Variants in SSH2 observed in about 807,000 individuals in gnomAD.
SSH2 encodes protein phosphatase Slingshot homolog 2.
SSH2 carries 37 observed loss-of-function variants against 135.2 expected under a neutral mutation model. The observed-to-expected ratio is 0.27, with a 90% CI of 0.21 to 0.36. SSH2 has a LOEUF of 0.36. Ranked by LOEUF, SSH2 falls within the 10% of genes least tolerant of loss-of-function variation. SSH2 has a pLI of 1.00. For missense variants in SSH2, 1,408 were observed against 1,765.3 expected, an observed-to-expected ratio of 0.80 and a Z score of 3.63; for synonymous variants, 628 against 646.2, an observed-to-expected ratio of 0.97 and a Z score of 0.43.
chr17:29,915,354 T>C (rs1281238929), intron 1 of SSH2, among the ~76,000 whole-genome samples: 1 of 152,238 alleles, frequency 6.6e-6, no homozygotes, highest in African/African-American at 2.4e-5. Context: ...CTGCTCGTAA[T>C]AGCTGGATTA....
At chr17:29,814,399 C>T (rs2042514422) in intron 2 of SSH2, among the ~76,000 whole-genome samples, 1 of 137,192 alleles carries the variant, frequency 7.3e-6, no homozygotes, top group East Asian at 2.2e-4. Context: ...CACCACTGCA[C>T]TCCAGCCTGG....
At chr17:29,683,536 G>A (rs2038074713) in intron 6 of SSH2, among the ~76,000 whole-genome samples, 1 of 150,686 alleles carries the variant, frequency 6.6e-6, no homozygotes, top group South Asian at 2.1e-4. Flanking sequence ...AAACAAAACA[G>A]ACTGTAGTTT....
At chr17:29,706,660 A>G (rs954882309) in intron 3 of SSH2, among the ~76,000 whole-genome samples, 1 of 152,228 alleles carries the variant, frequency 6.6e-6, no homozygotes, top group Admixed American at 6.5e-5. Context: ...AAATGAAAAT[A>G]TTTTAAAAAT....
intron 3 of SSH2, among the ~76,000 whole-genome samples, chr17:29,724,012 CTA>C (rs1271161733): frequency 3.9e-5 from 6 of 152,164 alleles, no homozygotes; most frequent in Admixed American, 3.3e-4. Context: ...CTCTTAGGTC[CTA>C]TATAAGCTCC....
intron 2 of SSH2, among the ~76,000 whole-genome samples, chr17:29,830,837 G>A (rs2151360452): frequency 6.6e-6 from 1 of 152,254 alleles, no homozygotes; most frequent in Admixed American, 6.5e-5. Flanking sequence ...TCCAGTCTGA[G>A]CCAGTTTAAT....
At chr17:29,831,952 G>A (rs1389798053) in intron 2 of SSH2, among the ~76,000 whole-genome samples, 1 of 152,054 alleles carries the variant, frequency 6.6e-6, no homozygotes, top group African/African-American at 2.4e-5. Context: ...TAGTTTTTAT[G>A]TAGTTGTAAT....
Position 29,886,146 on chromosome 17 carries a change from T to C in SSH2, c.64-37217A>G, listed in dbSNP as rs547414072. ...GAAAGTTTGGAACTTCCTAGAAACTTGGAGGGCTCAGAAGACAGGAAGATA... is the reference window on the plus strand; with the variant it reads ...GAAAGTTTGGAACTTCCTAGAAACTCGGAGGGCTCAGAAGACAGGAAGATA... On this transcript the variant is annotated intron_variant, in intron 1 of 15. Transcript: ENST00000540801. Among the ~76,000 whole-genome samples, 29 of 151,970 alleles carry C rather than the reference T, an allele frequency of 1.9e-4. No individual in the cohort carries two copies. The East Asian group carries it at 5.4e-3, about 28-fold the overall frequency.
At chr17:29,821,940 A>C (rs1404418966) in intron 2 of SSH2, among the ~76,000 whole-genome samples, 1 of 152,118 alleles carries the variant, frequency 6.6e-6, no homozygotes, top group African/African-American at 2.4e-5. Flanking sequence ...TGCCAAACCA[A>C]GTCTATTTTA....
At chr17:29,635,273 G>C (rs1358692866) in intron 15 of SSH2, among the ~76,000 whole-genome samples, 1 of 152,186 alleles carries the variant, frequency 6.6e-6, no homozygotes, top group Non-Finnish European at 1.5e-5. Flanking sequence ...CACATGTCTA[G>C]TCTTTGACTT....
chr17:29,723,320 T>C (rs2151171474), intron 3 of SSH2, among the ~76,000 whole-genome samples: 1 of 152,372 alleles, frequency 6.6e-6, no homozygotes, highest in South Asian at 2.1e-4. Flanking sequence ...TGCTTTGATA[T>C]ATGTTTAACT....
chr17:29,715,709 A>G (rs949151000), intron 3 of SSH2, among the ~76,000 whole-genome samples: 2 of 152,214 alleles, frequency 1.3e-5, no homozygotes, highest in African/African-American at 4.8e-5. Flanking sequence ...CTGACACTAA[A>G]TAAATGTTTA....
intron 3 of SSH2, among the ~76,000 whole-genome samples, chr17:29,728,633 G>T (rs1485336071): frequency 6.6e-6 from 1 of 152,126 alleles, no homozygotes; most frequent in African/African-American, 2.4e-5. Context: ...GAATCACATT[G>T]TCTGACTTCA....
intron 3 of SSH2, among the ~76,000 whole-genome samples, chr17:29,713,340 A>G (rs1264265787): frequency 2.0e-5 from 3 of 152,182 alleles, no homozygotes; most frequent in African/African-American, 7.2e-5. Flanking sequence ...GTCTCAAAAC[A>G]AACAAACAAA....
At chr17:29,690,808 A>C (rs1174625568) in intron 5 of SSH2, among the ~76,000 whole-genome samples, 1 of 152,148 alleles carries the variant, frequency 6.6e-6, no homozygotes, top group Non-Finnish European at 1.5e-5. Context: ...TTATTTATTG[A>C]CATGGAAAGA....
chr17:29,756,066 G>A (rs1284772650), intron 3 of SSH2, among the ~76,000 whole-genome samples: 2 of 151,086 alleles, frequency 1.3e-5, no homozygotes, highest in East Asian at 2.0e-4. Context: ...AGGAGTTGGA[G>A]ACCAGCCTGA....
chr17:29,841,864 C>A (rs2043045754), intron 2 of SSH2, among the ~76,000 whole-genome samples: 1 of 149,098 alleles, frequency 6.7e-6, no homozygotes, highest in Non-Finnish European at 1.5e-5. Context: ...GTAGCTGGGA[C>A]TATAGGAGTA....
chr17:29,915,979 CT>C (rs1184905371), intron 1 of SSH2, among the ~76,000 whole-genome samples: 37 of 114,186 alleles, frequency 3.2e-4, no homozygotes, highest in African/African-American at 8.2e-4. Context: ...TCCCTCCCCC[CT>C]CCCCCCACCC....
chr17:29,702,643 A>G (rs2039033375), intron 4 of SSH2, among the ~76,000 whole-genome samples: 1 of 152,236 alleles, frequency 6.6e-6, no homozygotes. Context: ...TGACACAGCG[A>G]AACTCCATCT....
At chr17:29,880,085 T>C (rs1335787312) in intron 1 of SSH2, among the ~76,000 whole-genome samples, 1 of 152,152 alleles carries the variant, frequency 6.6e-6, no homozygotes, top group Non-Finnish European at 1.5e-5. Context: ...CATCCATCCA[T>C]CCATTATCCA....
Sources: gnomAD v4.1 joint callset for allele counts (sites outside exome capture counted in the v4.1 genomes callset) on GRCh38, gnomAD v4.1.1 for gene constraint, MANE v1.5 for transcripts, NCBI Gene and HGNC (gene_info 2026-07-23, HGNC 2026-07-21) for gene names.